Variants in SDK1 observed in about 807,000 individuals in gnomAD.
SDK1 encodes the protein protein sidekick-1.
A neutral mutation model predicts 245.5 loss-of-function variants in SDK1; 157 were observed. The ratio of observed to expected loss-of-function variants is 0.64; its 90% CI spans 0.56 to 0.73. The LOEUF is 0.73. Among genes scored for constraint, SDK1 ranks in the 30% least tolerant of loss-of-function variants. SDK1 has a pLI of 0.00. For synonymous variants in SDK1, 1,647 were observed against 1,278.5 expected, an observed-to-expected ratio of 1.29 and a Z score of -6.15; for missense variants, 3,583 against 3,002.3, an observed-to-expected ratio of 1.19 and a Z score of -4.52.
At chr7:3,441,169 T>C (rs907392596) in intron 1 of SDK1, among the ~76,000 whole-genome samples, 1 of 152,136 alleles carries the variant, frequency 6.6e-6, no homozygotes, top group African/African-American at 2.4e-5. Context: ...ATTATTACAG[T>C]ATGTTATAAT....
Position 3,916,936 on chromosome 7 carries a change from A to T in SDK1, c.848-33987A>T, listed in dbSNP as rs77109296. ...GATACAGGCACAGATGCAGACTCATAGTATAAAGTTGCTTATCATGGCAAG... is the reference window on the plus strand; with the variant it reads ...GATACAGGCACAGATGCAGACTCATTGTATAAAGTTGCTTATCATGGCAAG... On this transcript the variant is annotated intron_variant, in intron 5 of 44. Coordinates refer to ENST00000404826, the MANE Select transcript of SDK1 (RefSeq NM_152744.4). Among the ~76,000 whole-genome samples, 511 of 152,358 alleles carry T rather than the reference A, an allele frequency of 3.4e-3. 5 individuals are homozygous for T. Among genetic ancestry groups the T allele is most frequent in the Non-Finnish European group, 5.1e-3 (346 of 68,032 alleles).
intron 1 of SDK1, among the ~76,000 whole-genome samples, chr7:3,432,124 A>ATATAT (rs199532876): frequency 1.4e-4 from 20 of 146,870 alleles, no homozygotes; most frequent in African/African-American, 4.9e-4. Flanking sequence ...AAAAAAAAAA[A>ATATAT]ATATATATAT....
chr7:3,634,500 C>T (rs886260057), intron 2 of SDK1, among the ~76,000 whole-genome samples: 1 of 152,152 alleles, frequency 6.6e-6, no homozygotes, highest in Non-Finnish European at 1.5e-5. Context: ...TAGAATTCTG[C>T]CTTGATAGAG....
rs369860866 is a variant in SDK1, at chr7:4,205,914, C to A, written c.5134C>A (p.Pro1712Thr). The A allele has an allele frequency of 2.4e-5, 38 of 1,558,708 alleles. No individual in the cohort carries two copies. The Middle Eastern group carries it at 2.2e-3, about 89-fold the overall frequency. The change falls in exon 36 of 45, where the codon CCA (proline) becomes ACA (threonine). Residue 1712 changes from proline (P) to threonine (T), a missense_variant. Pro to Thr is a conservative substitution (Grantham distance 38, BLOSUM62 -1). Transcript: ENST00000404826. The part of the protein sequence containing the change: ...AMAPQNVQVT[P>T]LTASQLEVTW... ...GGCCCCGCAGAACGTGCAGGTGACC[C>A]CACTCACGGCCAGCCAGCTGGAGGT...
chr7:4,082,016 T>C (rs1367979639), intron 22 of SDK1, among the ~76,000 whole-genome samples: 1 of 152,112 alleles, frequency 6.6e-6, no homozygotes, highest in Non-Finnish European at 1.5e-5. Flanking sequence ...GCATATACTG[T>C]GTGATTCCAT....
At chr7:3,917,620 C>T (rs1209086826) in intron 5 of SDK1, among the ~76,000 whole-genome samples, 1 of 152,054 alleles carries the variant, frequency 6.6e-6, no homozygotes, top group South Asian at 2.1e-4. Context: ...TTGAGTAAAG[C>T]CTGATGAACC....
intron 35 of SDK1, among the ~76,000 whole-genome samples, chr7:4,180,468 G>A (rs1245444959): frequency 6.7e-6 from 1 of 149,644 alleles, no homozygotes; most frequent in Non-Finnish European, 1.5e-5. Flanking sequence ...CCAGCTCTAT[G>A]CCCTGTGCCT....
At chr7:3,765,483 C>T (rs1392804194) in intron 4 of SDK1, among the ~76,000 whole-genome samples, 1 of 152,200 alleles carries the variant, frequency 6.6e-6, no homozygotes. Context: ...GTAAGATTCA[C>T]CTGCGCTGTG....
At chr7:3,924,531 A>T (rs369536520) in intron 5 of SDK1, among the ~76,000 whole-genome samples, 2 of 152,272 alleles carry the variant, frequency 1.3e-5, no homozygotes, top group African/African-American at 4.8e-5. Context: ...ACAAACAGGG[A>T]GAATGACCGA....
chr7:3,535,714 G>A (rs566535589), intron 1 of SDK1, among the ~76,000 whole-genome samples: 29 of 152,136 alleles, frequency 1.9e-4, no homozygotes, highest in African/African-American at 3.9e-4. Context: ...ATGTATATGC[G>A]TGTCTACATA....
At chr7:3,496,811 T>G (rs916200417) in intron 1 of SDK1, among the ~76,000 whole-genome samples, 1 of 152,176 alleles carries the variant, frequency 6.6e-6, no homozygotes, top group Non-Finnish European at 1.5e-5. Flanking sequence ...AAATTCAAGG[T>G]AAATTTGGCT....
At chr7:3,326,197 C>T (rs2128549264) in intron 1 of SDK1, among the ~76,000 whole-genome samples, 1 of 152,126 alleles carries the variant, frequency 6.6e-6, no homozygotes, top group Non-Finnish European at 1.5e-5. Flanking sequence ...CAACAGAAAT[C>T]CTTTTCCCTC....
chr7:3,769,936 CTG>C (rs34066132), intron 4 of SDK1, among the ~76,000 whole-genome samples: 4,375 of 144,024 alleles, frequency 0.03, 95 homozygotes, highest in African/African-American at 0.059. Context: ...TACTTATTGT[CTG>C]TGTGTGTGTG....
chr7:3,528,866 C>G (rs1247302147), intron 1 of SDK1, among the ~76,000 whole-genome samples: 1 of 152,038 alleles, frequency 6.6e-6, no homozygotes, highest in Admixed American at 6.5e-5. Context: ...CCCATTTGGG[C>G]TTTTTATGGG....
rs773116918 is a variant in SDK1 at position 4,107,481 on chromosome 7, TTTC to T, written c.3325-3173_3325-3171del. On this transcript the variant is annotated intron_variant, in intron 22 of 44. Coordinates refer to ENST00000404826, the MANE Select transcript of SDK1 (RefSeq NM_152744.4). ...AATGGAAGTCATCCCTTTTTCTTCC[TTTC>T]TTCTTCTTTTTTTTTTAAACAAACA... 1.1e-3 allele frequency among the ~76,000 whole-genome samples: 165 copies of T among 149,452 alleles called. 1 individual carries two copies. Among genetic ancestry groups the T allele is most frequent in the Non-Finnish European group, 1.5e-3 (100 of 67,200 alleles).
intron 34 of SDK1, among the ~76,000 whole-genome samples, chr7:4,178,024 A>G (rs1163284484): frequency 6.6e-6 from 1 of 152,210 alleles, no homozygotes; most frequent in East Asian, 1.9e-4. Flanking sequence ...TAGGGTTTGC[A>G]CTTCTGTGAG....
chr7:4,265,520 C>G lies in SDK1; in HGVS notation c.*136C>G. On this transcript the variant is annotated 3_prime_UTR_variant, in exon 45 of 45. Coordinates refer to ENST00000404826, the MANE Select transcript of SDK1 (RefSeq NM_152744.4). ...AAAATCTGATAAGTGATGATTTTAC[C>G]TACTTGTGGACACTAGATTTCAATT... The G allele has an allele frequency of 1.5e-6, 2 of 1,367,182 alleles. No individual in the cohort carries two copies. The highest frequency in any genetic ancestry group is 5.9e-5 in the East Asian group (2 of 33,968). The allele number at this position is 1,367,182 out of a possible 1,614,324, so 84.7% of individuals were successfully genotyped here.
At position 4,017,330 on chromosome 7, in the gene SDK1, G is replaced by T; in HGVS notation, c.2580G>T (p.Val860=). The part of the protein sequence containing the change: ...GAGLGVFSRA[V]TEYTLQGVPT... ...GTCTGGGCGTCTTCAGCAGGGCAGT[G>T]ACCGAGTACACCTTGCAGGGAGGTA... The change falls in exon 17 of 45, where the codon GTG becomes GTT. Residue 860 remains valine (V), a synonymous_variant. Coordinates refer to ENST00000404826, the MANE Select transcript of SDK1 (RefSeq NM_152744.4). 1.9e-6 allele frequency: 3 copies of T among 1,612,798 alleles called. No individual in the cohort carries two copies. Among genetic ancestry groups the T allele is most frequent in the Non-Finnish European group, 2.5e-6 (3 of 1,179,430 alleles).
At chr7:3,482,825 C>T (rs960904256) in intron 1 of SDK1, among the ~76,000 whole-genome samples, 1 of 152,310 alleles carries the variant, frequency 6.6e-6, no homozygotes, top group Non-Finnish European at 1.5e-5. Flanking sequence ...TCAGGCAACT[C>T]ACAGGACATA....
Sources: gnomAD v4.1 joint callset for allele counts (sites outside exome capture counted in the v4.1 genomes callset) on GRCh38, gnomAD v4.1.1 for gene constraint, MANE v1.5 for transcripts, NCBI Gene and HGNC (gene_info 2026-07-23, HGNC 2026-07-21) for gene names.